GMDS: variants seen among roughly 807,000 people sequenced by gnomAD.
The protein encoded by GMDS is GDP-mannose 4,6 dehydratase.
A neutral mutation model predicts 49.9 loss-of-function variants in GMDS; 20 were observed. The observed-to-expected ratio is 0.40, with a 90% CI of 0.28 to 0.58. The LOEUF is 0.58. Among genes scored for constraint, GMDS ranks in the 20% least tolerant of loss-of-function variants. The pLI is 0.42. For missense variants in GMDS, 362 were observed against 481.4 expected (o/e 0.75, Z 2.32); for synonymous variants, 177 against 178.6 (o/e 0.99, Z 0.07).
At chr6:1,827,637 C>T (rs927136872) in intron 7 of GMDS, among the ~76,000 whole-genome samples, 1 of 152,122 alleles carries the variant, frequency 6.6e-6, no homozygotes, top group East Asian at 1.9e-4. Flanking sequence ...AAAAGAATTG[C>T]ACATATTTTT....
At chr6:2,224,648 A>T (rs1217245141) in intron 1 of GMDS, among the ~76,000 whole-genome samples, 2 of 152,222 alleles carry the variant, frequency 1.3e-5, no homozygotes, top group Admixed American at 6.5e-5. Context: ...GAGAAAAAAA[A>T]TCATAAGTAT....
At chr6:1,990,231 G>A (rs934458261) in intron 4 of GMDS, among the ~76,000 whole-genome samples, 6 of 152,190 alleles carry the variant, frequency 3.9e-5, no homozygotes, top group African/African-American at 1.4e-4. Context: ...GGGAGGCGGA[G>A]TTTGCAGTGA....
intron 4 of GMDS, among the ~76,000 whole-genome samples, chr6:2,047,637 C>T (rs560878061): frequency 9.4e-4 from 143 of 151,998 alleles, no homozygotes; most frequent in Non-Finnish European, 1.5e-3. Context: ...TACAGGTGTG[C>T]ACCACCTTCC....
chr6:1,801,852 G>A (rs1399262877), intron 7 of GMDS, among the ~76,000 whole-genome samples: 3 of 152,208 alleles, frequency 2.0e-5, no homozygotes, highest in African/African-American at 7.2e-5. Flanking sequence ...GGACAAAGAA[G>A]AACCACAGTA....
intron 1 of GMDS, among the ~76,000 whole-genome samples, chr6:2,231,835 T>A (rs575550617): frequency 6.6e-6 from 1 of 152,290 alleles, no homozygotes; most frequent in South Asian, 2.1e-4. Flanking sequence ...TCACCACAGG[T>A]TTAAGACATG....
chr6:1,808,828 G>A (rs1243147934), intron 7 of GMDS, among the ~76,000 whole-genome samples: 4 of 151,930 alleles, frequency 2.6e-5, no homozygotes, highest in Non-Finnish European at 5.9e-5. Flanking sequence ...AAATACTACT[G>A]ATATAAATGA....
At chr6:1,788,211 C>T (rs547908885) in intron 7 of GMDS, among the ~76,000 whole-genome samples, 27 of 152,112 alleles carry the variant, frequency 1.8e-4, no homozygotes, top group Non-Finnish European at 3.5e-4. Flanking sequence ...GTCGGGAGGG[C>T]GATCCAGAGT....
chr6:1,883,029 A>G (rs1029321914), intron 7 of GMDS, among the ~76,000 whole-genome samples: 3 of 152,210 alleles, frequency 2.0e-5, no homozygotes, highest in Non-Finnish European at 4.4e-5. Context: ...TTCCTAGAGA[A>G]AAGGATTACT....
chr6:2,062,330 G>A (rs547798500), intron 4 of GMDS, among the ~76,000 whole-genome samples: 1 of 152,238 alleles, frequency 6.6e-6, no homozygotes, highest in African/African-American at 2.4e-5. Flanking sequence ...CTCACAGAAC[G>A]CTACAAGTAG....
At chr6:1,858,791 T>C (rs750887825) in intron 7 of GMDS, among the ~76,000 whole-genome samples, 1 of 152,220 alleles carries the variant, frequency 6.6e-6, no homozygotes. Flanking sequence ...CATTTGCTGA[T>C]CTTATGAGAA....
chr6:1,773,491 T>C (rs968933746), intron 7 of GMDS, among the ~76,000 whole-genome samples: 11 of 152,168 alleles, frequency 7.2e-5, no homozygotes, highest in African/African-American at 2.7e-4. Flanking sequence ...ACCTGCAGAG[T>C]GACACTCATG....
chr6:1,649,672 T>C, intron 9 of GMDS, among the ~76,000 whole-genome samples: 1 of 152,214 alleles, frequency 6.6e-6, no homozygotes, highest in Non-Finnish European at 1.5e-5. Flanking sequence ...TCTTTTTCCC[T>C]TTGCTACATT....
chr6:1,821,026 C>T (rs1332983453), intron 7 of GMDS, among the ~76,000 whole-genome samples: 1 of 152,180 alleles, frequency 6.6e-6, no homozygotes, highest in African/African-American at 2.4e-5. Flanking sequence ...ATGGAACATG[C>T]TTACAAAATG....
In GMDS at chr6:1,631,120, C is replaced by T. The variant is rs188436428; in HGVS notation, c.988-6580G>A. On this transcript the variant is annotated intron_variant, in intron 9 of 10. Transcript: ENST00000380815. The stretch of plus-strand genomic sequence containing the variant: ...GACCGATTAGGGACTCTTGTGACAT[C>T]GCTGGCAAGTGGCACCCTGGATACA... 1.3e-3 allele frequency among the ~76,000 whole-genome samples: 196 copies of T among 152,276 alleles called. 1 individual carries two copies. Among genetic ancestry groups the T allele is most frequent in the South Asian group, 2.3e-3 (11 of 4,824 alleles).
At chr6:1,995,348 G>A (rs1255838432) in intron 4 of GMDS, among the ~76,000 whole-genome samples, 1 of 152,194 alleles carries the variant, frequency 6.6e-6, no homozygotes, top group African/African-American at 2.4e-5. Flanking sequence ...CAGGCTGCCT[G>A]TGACCCCAGC....
chr6:1,794,380 T>G (rs1769656360), intron 7 of GMDS, among the ~76,000 whole-genome samples: 1 of 149,932 alleles, frequency 6.7e-6, no homozygotes, highest in African/African-American at 2.4e-5. Context: ...TACAAAACAT[T>G]TAAATAAACA....
chr6:2,041,485 AG>A (rs1769674914), intron 4 of GMDS, among the ~76,000 whole-genome samples: 1 of 152,232 alleles, frequency 6.6e-6, no homozygotes, highest in Non-Finnish European at 1.5e-5. Flanking sequence ...TCTGACACCA[AG>A]GCCATTTTGA....
At chr6:1,998,324 T>A (rs116079537) in intron 4 of GMDS, among the ~76,000 whole-genome samples, 275 of 152,200 alleles carry the variant, frequency 1.8e-3, no homozygotes, top group Non-Finnish European at 3.0e-3. Context: ...CACAAACTCC[T>A]GGTAGAGTTT....
In GMDS at chr6:2,059,552, C is replaced by A. The variant is rs565088474; in HGVS notation, c.345+56219G>T. ...TGAAACCCCGTCTCTACTAAAAATA[C>A]AAAAAATTAGCCGGGCGTGGTAGCG... On this transcript the variant is annotated intron_variant, in intron 4 of 10. Coordinates refer to ENST00000380815, the MANE Select transcript of GMDS (RefSeq NM_001500.4). 2.0e-5 allele frequency among the ~76,000 whole-genome samples: 3 copies of A among 146,658 alleles called. No individual in the cohort carries two copies. In the South Asian group the frequency reaches 6.7e-4, roughly 33 times the overall value.
Sources: gnomAD v4.1 joint callset for allele counts (sites outside exome capture counted in the v4.1 genomes callset) on GRCh38, gnomAD v4.1.1 for gene constraint, MANE v1.5 for transcripts, NCBI Gene and HGNC (gene_info 2026-07-23, HGNC 2026-07-21) for gene names.